ROCK1: variants seen among roughly 807,000 people sequenced by gnomAD.
ROCK1 encodes rho-associated protein kinase 1.
A neutral mutation model predicts 196.8 loss-of-function variants in ROCK1; 36 were observed. The observed-to-expected ratio is 0.18, with a 90% CI of 0.14 to 0.24. ROCK1 has a LOEUF of 0.24. Among genes scored for constraint, ROCK1 ranks in the 10% least tolerant of loss-of-function variants. The probability of loss-of-function intolerance (pLI) is 1.00; values close to 1 mark genes in which losing one functional copy is unlikely to be tolerated. For missense variants in ROCK1, 920 were observed against 1,562.0 expected (o/e 0.59, Z 6.93); for synonymous variants, 443 against 515.9 (o/e 0.86, Z 1.91).
chr18:21,042,774 T>C (rs1218855441), intron 6 of ROCK1, 65 bp from the exon 7 acceptor site: 4 of 1,469,142 alleles, frequency 2.7e-6, no homozygotes, highest in Non-Finnish European at 3.7e-6. Context: ...AAAATGACTT[T>C]CTTATTAATA....
At chr18:21,005,713 C>CA (rs997212616) in intron 16 of ROCK1, among the ~76,000 whole-genome samples, 2 of 152,000 alleles carry the variant, frequency 1.3e-5, no homozygotes, top group African/African-American at 2.4e-5. Flanking sequence ...CCCGTCTCTA[C>CA]AAAAAATGCA....
At chr18:21,102,252 C>A (rs1459267670) in intron 1 of ROCK1, among the ~76,000 whole-genome samples, 1 of 152,286 alleles carries the variant, frequency 6.6e-6, no homozygotes, top group Non-Finnish European at 1.5e-5. Flanking sequence ...TCAAGTGAAT[C>A]TGATACAATC....
chr18:20,970,518 A>G lies in ROCK1; in HGVS notation c.2655-5T>C. On this transcript the variant is annotated splice_region_variant and splice_polypyrimidine_tract_variant and intron_variant, in intron 22 of 32. Transcript: ENST00000399799. ...AACTGAGTAGCAAGAGTTTCTCTGC[A>G]ACAATTTTTTAAGAGAAACTGATGT... 2 of 1,585,410 alleles carry G rather than the reference A, an allele frequency of 1.3e-6. No individual in the cohort carries two copies. Among genetic ancestry groups the G allele is most frequent in the Non-Finnish European group, 1.7e-6 (2 of 1,161,790 alleles).
At chr18:21,062,339 G>A (rs1478406007) in intron 2 of ROCK1, among the ~76,000 whole-genome samples, 1 of 152,086 alleles carries the variant, frequency 6.6e-6, no homozygotes, top group Non-Finnish European at 1.5e-5. Context: ...GGTCCAACCT[G>A]AAGGAGCTCC....
At position 20,966,935 on chromosome 18, in the gene ROCK1, T is replaced by C. The variant is rs35881519; in HGVS notation, c.3334A>G (p.Thr1112Ala). The C allele has an allele frequency of 6.2e-7, 1 of 1,612,492 alleles. No homozygotes were observed. The highest frequency in any genetic ancestry group is 8.5e-7 in the Non-Finnish European group (1 of 1,179,106). Residue 1112 changes from threonine (T) to alanine (A), a missense_variant, in exon 27 of 33, where the codon ACT becomes GCT. Coordinates refer to ENST00000399799, the MANE Select transcript of ROCK1 (RefSeq NM_005406.3). ...SVASFPSADE[T>A]DGNLPESRIE... ...TTCTTACCTGGGAGGTTACCATCAG[T>C]TTCATCAGCACTAGGAAAACTAGCA...
intron 1 of ROCK1, among the ~76,000 whole-genome samples, chr18:21,080,525 A>G (rs1378224913): frequency 1.3e-5 from 2 of 152,226 alleles, no homozygotes; most frequent in East Asian, 1.9e-4. Context: ...AAACTCTCCA[A>G]TCAAACTACA....
At chr18:21,041,249 G>A (rs1598539836) in intron 8 of ROCK1, among the ~76,000 whole-genome samples, 1 of 116,366 alleles carries the variant, frequency 8.6e-6, no homozygotes, top group Non-Finnish European at 1.7e-5. Flanking sequence ...CTGGGCAACA[G>A]AGCAAAACCC....
intron 11 of ROCK1, among the ~76,000 whole-genome samples, chr18:21,023,094 T>C (rs2035927910): frequency 6.6e-6 from 1 of 151,564 alleles, no homozygotes; most frequent in Non-Finnish European, 1.5e-5. Flanking sequence ...GGGGGGAGGG[T>C]GAAATGAGGA....
chr18:20,981,021 A>G (rs940288909), intron 21 of ROCK1, among the ~76,000 whole-genome samples: 1 of 152,176 alleles, frequency 6.6e-6, no homozygotes, highest in African/African-American at 2.4e-5. Flanking sequence ...AGGTTAGATC[A>G]ATTCTTGACT....
intron 1 of ROCK1, among the ~76,000 whole-genome samples, chr18:21,093,682 G>A (rs1280107183): frequency 1.3e-5 from 2 of 152,048 alleles, no homozygotes; most frequent in Non-Finnish European, 2.9e-5. Flanking sequence ...AGCCAGGCAC[G>A]ATGGCTTACA....
chr18:21,038,224 A>T (rs999889771), intron 9 of ROCK1, among the ~76,000 whole-genome samples: 3 of 152,160 alleles, frequency 2.0e-5, no homozygotes, highest in African/African-American at 7.2e-5. Flanking sequence ...TTTCACTTGC[A>T]GCATGAAGAT....
chr18:21,042,808 T>G, intron 6 of ROCK1, 99 bp from the exon 7 acceptor site: 1 of 1,179,718 alleles, frequency 8.5e-7, no homozygotes. Flanking sequence ...TCCAAATCTT[T>G]GAGCTATAAA....
intron 1 of ROCK1, among the ~76,000 whole-genome samples, chr18:21,088,266 G>A (rs560088470): frequency 1.3e-5 from 2 of 152,224 alleles, no homozygotes; most frequent in African/African-American, 2.4e-5. Context: ...GGCTGAGGTG[G>A]AAGGATCACT....
At chr18:21,108,122 CA>C (rs542783508) in intron 1 of ROCK1, among the ~76,000 whole-genome samples, 157 of 151,550 alleles carry the variant, frequency 1.0e-3, no homozygotes, top group African/African-American at 3.7e-3. Flanking sequence ...ATTTCAGTAA[CA>C]GCTATCAATA....
At chr18:20,959,072 T>C (rs1346135602) in intron 29 of ROCK1, among the ~76,000 whole-genome samples, 1 of 45,942 alleles carries the variant, frequency 2.2e-5, no homozygotes, top group Non-Finnish European at 3.3e-5. Flanking sequence ...TTTTATATTA[T>C]ATAATATATA....
intron 27 of ROCK1, among the ~76,000 whole-genome samples, chr18:20,962,946 T>A (rs1417321353): frequency 2.0e-5 from 3 of 152,072 alleles, no homozygotes; most frequent in Non-Finnish European, 4.4e-5. Flanking sequence ...TACTTACCAG[T>A]TTTTAAAATA....
intron 20 of ROCK1, 45 bp downstream of exon 20, chr18:20,984,306 G>T (rs1435783206): frequency 4.2e-6 from 6 of 1,413,972 alleles, no homozygotes; most frequent in South Asian, 2.4e-5. Context: ...AGTCAATGAT[G>T]AACACAAAAA....
At chr18:21,082,935 TAC>T (rs923050505) in intron 1 of ROCK1, among the ~76,000 whole-genome samples, 3 of 152,038 alleles carry the variant, frequency 2.0e-5, no homozygotes, top group African/African-American at 7.2e-5. Flanking sequence ...AACTAAAGAT[TAC>T]ACACACACCA....
At chr18:20,953,261 A>T (rs2035207984) in intron 32 of ROCK1, 1 of 203,112 alleles carries the variant, frequency 4.9e-6, no homozygotes, top group African/African-American at 2.3e-5. Context: ...AGAAAAGATG[A>T]TGAAAAGTTT....
Sources: gnomAD v4.1 joint callset for allele counts (sites outside exome capture counted in the v4.1 genomes callset) on GRCh38, gnomAD v4.1.1 for gene constraint, MANE v1.5 for transcripts, NCBI Gene and HGNC (gene_info 2026-07-23, HGNC 2026-07-21) for gene names.